PTK2: variants seen among roughly 807,000 people sequenced by gnomAD.
PTK2 encodes protein tyrosine kinase 2.
In PTK2, 45 loss-of-function variants were observed where a neutral mutation model predicts 150.1. The observed-to-expected ratio is 0.30, with a 90% CI of 0.24 to 0.38. The LOEUF is 0.38. PTK2 is among the 10% of genes least tolerant of loss of function. The probability of loss-of-function intolerance (pLI) is 1.00; values close to 1 mark genes in which losing one functional copy is unlikely to be tolerated. For missense variants in PTK2, 919 were observed against 1,307.3 expected (o/e 0.70, Z 4.58); for synonymous variants, 432 against 449.2 (o/e 0.96, Z 0.48).
At chr8:141,001,033 C>T (rs1205316867) in intron 1 of PTK2, 92 bp downstream of exon 1, 1 of 151,712 alleles carries the variant, frequency 6.6e-6, no homozygotes, top group East Asian at 2.0e-4. Flanking sequence ...TGCCCCTCCG[C>T]CCTCAGGGCC....
chr8:140,980,631 AAAAAT>A (rs1176636433), intron 1 of PTK2, among the ~76,000 whole-genome samples: 4 of 152,162 alleles, frequency 2.6e-5, no homozygotes, highest in Non-Finnish European at 5.9e-5. Flanking sequence ...CAAAAATATA[AAAAAT>A]AAAATAAAGT....
At chr8:140,978,369 G>C (rs2100190108) in intron 1 of PTK2, among the ~76,000 whole-genome samples, 1 of 152,126 alleles carries the variant, frequency 6.6e-6, no homozygotes, top group Admixed American at 6.6e-5. Flanking sequence ...ATCTGACAAA[G>C]GGCTAATATC....
At chr8:140,867,270 A>G (rs2100139898) in intron 4 of PTK2, among the ~76,000 whole-genome samples, 1 of 152,186 alleles carries the variant, frequency 6.6e-6, no homozygotes, top group Non-Finnish European at 1.5e-5. Context: ...GAGGGAGACT[A>G]GGAGGAGACA....
At chr8:140,908,021 T>C (rs1237310610) in intron 2 of PTK2, among the ~76,000 whole-genome samples, 2 of 152,192 alleles carry the variant, frequency 1.3e-5, no homozygotes, top group Non-Finnish European at 2.9e-5. Context: ...GAAGAAAGCA[T>C]GTCAAAAGCT....
intron 9 of PTK2, among the ~76,000 whole-genome samples, 166 bp downstream of exon 9, chr8:140,818,710 CATTA>C (rs1178647583): frequency 2.0e-5 from 3 of 152,060 alleles, no homozygotes; most frequent in African/African-American, 4.8e-5. Context: ...TTTATTCTCA[CATTA>C]ATTATTTTCT....
chr8:140,680,438 C>T (rs2100016337), intron 27 of PTK2, among the ~76,000 whole-genome samples: 1 of 152,144 alleles, frequency 6.6e-6, no homozygotes, highest in South Asian at 2.1e-4. Flanking sequence ...CCATGTTGGC[C>T]AGGCTGGTCT....
chr8:140,801,295 C>T (rs1172179800), intron 11 of PTK2, among the ~76,000 whole-genome samples: 1 of 152,230 alleles, frequency 6.6e-6, no homozygotes, highest in Non-Finnish European at 1.5e-5. Context: ...ACATGCTTTA[C>T]ACACCAGCAC....
In PTK2 at chr8:140,830,457, G is replaced by A. The variant is rs1323478809; in HGVS notation, c.648+15C>T. On this transcript the variant is annotated intron_variant, in intron 8 of 31. Transcript: ENST00000522684. ...AATTTTGTTATTTTATTATGATAAA[G>A]GAGACTCTAATTACCTTGACAGAAT... The A allele has an allele frequency of 6.7e-7, 1 of 1,496,030 alleles. No individual in the cohort carries two copies. Among genetic ancestry groups the A allele is most frequent in the South Asian group, 1.3e-5 (1 of 77,638 alleles). 92.7% of individuals were successfully genotyped at this position (1,496,030 alleles called of 1,614,324 possible). A position where few individuals can be genotyped will look rare whatever the true frequency, so the allele number is the denominator to read the frequency against.
intron 10 of PTK2, among the ~76,000 whole-genome samples, chr8:140,807,309 GAA>G (rs1299635728): frequency 6.6e-6 from 1 of 152,180 alleles, no homozygotes; most frequent in Non-Finnish European, 1.5e-5. Context: ...TAAAGCCTCA[GAA>G]AAAGTTTCAC....
exon 26 of PTK2, chr8:140,701,011 T>C (rs776975877): frequency 1.2e-6 from 2 of 1,613,840 alleles, no homozygotes; most frequent in Non-Finnish European, 1.7e-6. Context: ...GCAGGTCCAA[T>C]ACTGTAGAGT....
At chr8:140,893,211 T>G (rs1041625951) in intron 2 of PTK2, among the ~76,000 whole-genome samples, 6 of 152,096 alleles carry the variant, frequency 3.9e-5, no homozygotes, top group Admixed American at 6.5e-5. Context: ...CCCAGCTACT[T>G]GGGAGGCCGA....
intron 1 of PTK2, among the ~76,000 whole-genome samples, chr8:140,996,618 G>A (rs892772015): frequency 6.6e-6 from 1 of 152,180 alleles, no homozygotes; most frequent in Non-Finnish European, 1.5e-5. Flanking sequence ...CCTTAAGAAC[G>A]ATGCTAATTC....
chr8:140,880,371 T>G (rs1044971100), intron 3 of PTK2, among the ~76,000 whole-genome samples: 7 of 152,158 alleles, frequency 4.6e-5, no homozygotes, highest in African/African-American at 1.7e-4. Context: ...GGTTAAGTGT[T>G]AGAACTGACT....
At chr8:140,989,201 G>A (rs968724604) in intron 1 of PTK2, among the ~76,000 whole-genome samples, 4 of 85,270 alleles carry the variant, frequency 4.7e-5, no homozygotes, top group Non-Finnish European at 6.4e-5. Context: ...AACATAGGAA[G>A]ACCCTGTCTC....
At chr8:140,721,043 C>CTAT (rs1169944686) in intron 22 of PTK2, among the ~76,000 whole-genome samples, 45 of 152,102 alleles carry the variant, frequency 3.0e-4, no homozygotes, top group African/African-American at 1.0e-3. Context: ...AGGCATGAGC[C>CTAT]ACCATGCCTG....
intron 4 of PTK2, 87 bp downstream of exon 4, chr8:140,879,384 A>T: frequency 2.2e-6 from 3 of 1,344,264 alleles, no homozygotes; most frequent in Non-Finnish European, 2.0e-6. Context: ...TGTGAAAATT[A>T]AACATATACA....
At chr8:140,835,792 C>G (rs2100118351) in intron 7 of PTK2, among the ~76,000 whole-genome samples, 1 of 151,998 alleles carries the variant, frequency 6.6e-6, no homozygotes, top group Non-Finnish European at 1.5e-5. Context: ...AAAATTGATT[C>G]CCAGCTGGGC....
chr8:140,890,814 C>A, intron 2 of PTK2, 45 bp from the exon 3 acceptor site: 1 of 1,486,750 alleles, frequency 6.7e-7, no homozygotes, highest in Non-Finnish European at 9.4e-7. Flanking sequence ...TACTTGAAAT[C>A]TACCAATTAC....
At chr8:140,704,699 A>G (rs893661456) in intron 24 of PTK2, among the ~76,000 whole-genome samples, 1 of 152,110 alleles carries the variant, frequency 6.6e-6, no homozygotes. Flanking sequence ...TCTCTCAGCA[A>G]TCATAGAGGT....
Sources: gnomAD v4.1 joint callset for allele counts (sites outside exome capture counted in the v4.1 genomes callset) on GRCh38, gnomAD v4.1.1 for gene constraint, MANE v1.5 for transcripts, NCBI Gene and HGNC (gene_info 2026-07-23, HGNC 2026-07-21) for gene names.